Variants in C2orf69 observed in about 807,000 individuals in gnomAD.
C2orf69 encodes the protein chromosome 2 open reading frame 69, also known as mitochondrial protein C2orf69.
Under a neutral mutation model 29.5 loss-of-function variants are expected in C2orf69, and 19 were observed. That is an observed-to-expected ratio of 0.65 (90% CI 0.45 to 0.95). The LOEUF (loss-of-function observed/expected upper bound fraction) is 0.95. Among genes scored for constraint, C2orf69 ranks in the 40% least tolerant of loss-of-function variants. The pLI is 0.00. For missense variants in C2orf69, 416 were observed against 482.1 expected, an observed-to-expected ratio of 0.86 and a Z score of 1.28; for synonymous variants, 194 against 180.0, an observed-to-expected ratio of 1.08 and a Z score of -0.62.
In C2orf69 at chr2:199,911,413, C is replaced by T. The variant is rs1193220791; in HGVS notation, c.-26C>T. 2.7e-6 allele frequency: 4 copies of T among 1,495,130 alleles called. No individual in the cohort carries two copies. The highest frequency in any genetic ancestry group is 2.1e-4 in the Middle Eastern group (1 of 4,828). The allele number at this position is 1,495,130 out of a possible 1,614,324, so 92.6% of individuals were successfully genotyped here. A position where few individuals can be genotyped will look rare whatever the true frequency, so the allele number is the denominator to read the frequency against. ...GGAACCCCTCCGCCACCCTCCACCT[C>T]CGAACCGCTCTCGCGGCGGCGACCC... On this transcript the variant is annotated 5_prime_UTR_variant, in exon 1 of 2. Transcript: ENST00000319974.
Position 199,927,324 on chromosome 2 carries a change from A to AAC in C2orf69, c.*1439_*1440insCA, listed in dbSNP as rs1472338977. ...CTTTAGGACTAAAAAAAAAAAAAAA[A>AAC]AAAAGACACTGAAGCTTAATACCTT... On this transcript the variant is annotated 3_prime_UTR_variant, in exon 2 of 2. Coordinates refer to ENST00000319974, the MANE Select transcript of C2orf69 (RefSeq NM_153689.6). 3 of 151,230 alleles carry AAC rather than the reference A, an allele frequency of 2.0e-5. No homozygotes were observed. The highest frequency in any genetic ancestry group is 4.4e-5 in the Non-Finnish European group (3 of 67,740). 9.4% of individuals were successfully genotyped at this position (151,230 alleles called of 1,614,324 possible). A position where few individuals can be genotyped will look rare whatever the true frequency, so the allele number is the denominator to read the frequency against.
Position 199,925,851 on chromosome 2 carries a change from A to G in C2orf69, c.1123A>G (p.Ile375Val). 6.2e-7 allele frequency: 1 copy of G among 1,613,430 alleles called. No homozygotes were observed. Among genetic ancestry groups the G allele is most frequent in the Non-Finnish European group, 8.5e-7 (1 of 1,179,510 alleles). The change falls in exon 2 of 2, where the codon ATA becomes GTA. Residue 375 changes from isoleucine (I) to valine (V), a missense_variant. Coordinates refer to ENST00000319974, the MANE Select transcript of C2orf69 (RefSeq NM_153689.6). The surrounding 1 kb of genome is among the most constrained non-coding windows in gnomAD (Gnocchi z 4.9). ...TCATTTTACAAAGGAAGCTCCTTCC[A>G]TAGAGAATCACTTCAGGGTTCATGA... ...QIHFTKEAPS[I>V]ENHFRVHEVF
chr2:199,926,145 T>C lies in C2orf69; in HGVS notation c.*259T>C, dbSNP rs1339331457. The C allele has an allele frequency of 2.8e-6, 1 of 351,480 alleles. No homozygotes were observed. The highest frequency in any genetic ancestry group is 4.2e-5 in the East Asian group (1 of 23,580). The allele number at this position is 351,480 out of a possible 1,614,324, so 21.8% of individuals were successfully genotyped here. The stretch of plus-strand genomic sequence containing the variant: ...GGTTTGTAATAATGCTGAGGAGATA[T>C]AAGACCCTTAAAATGAAAGTTACAA... On this transcript the variant is annotated 3_prime_UTR_variant, in exon 2 of 2. Transcript: ENST00000319974.
Position 199,911,321 on chromosome 2 carries a change from C to T in C2orf69, c.-118C>T, listed in dbSNP as rs2077254966. 3.2e-6 allele frequency: 4 copies of T among 1,262,506 alleles called. No individual in the cohort carries two copies. The highest frequency in any genetic ancestry group is 3.1e-5 in the East Asian group (1 of 32,692). The allele number at this position is 1,262,506 out of a possible 1,614,324, so 78.2% of individuals were successfully genotyped here. On this transcript the variant is annotated 5_prime_UTR_variant, in exon 1 of 2. Transcript: ENST00000319974. ...TGACGTCGTCGCCTCAGCGCCGGCTCCCGGCCGGGCCGCGGCCGCCGACCG... is the reference window on the plus strand; with the variant it reads ...TGACGTCGTCGCCTCAGCGCCGGCTTCCGGCCGGGCCGCGGCCGCCGACCG...
At chr2:199,912,464 A>G (rs1301047339) in intron 1 of C2orf69, among the ~76,000 whole-genome samples, 1 of 152,208 alleles carries the variant, frequency 6.6e-6, no homozygotes, top group Non-Finnish European at 1.5e-5. Flanking sequence ...ATTAATTAAA[A>G]TTAAATAAAA....
At position 199,927,017 on chromosome 2, in the gene C2orf69, T is replaced by C. The variant is rs1324752477; in HGVS notation, c.*1131T>C. The C allele has an allele frequency of 3.3e-5, 5 of 152,604 alleles. No individual in the cohort carries two copies. The highest frequency in any genetic ancestry group is 3.3e-4 in the Admixed American group (5 of 15,266). The allele number at this position is 152,604 out of a possible 1,614,324, so 9.5% of individuals were successfully genotyped here. A position where few individuals can be genotyped will look rare whatever the true frequency, so the allele number is the denominator to read the frequency against. ...GCTCTCTTTGGCCAAAATGCAAAAT[T>C]ACATTGCTATAAGAAAAGTTACAAG... On this transcript the variant is annotated 3_prime_UTR_variant, in exon 2 of 2. Transcript: ENST00000319974.
intron 1 of C2orf69, among the ~76,000 whole-genome samples, chr2:199,914,423 C>T (rs1445050798): frequency 4.6e-5 from 7 of 152,122 alleles, no homozygotes; most frequent in Admixed American, 2.6e-4. Context: ...TTGAAGTCAT[C>T]CATTAGAACT....
At chr2:199,919,657 G>A (rs1329516250) in intron 1 of C2orf69, among the ~76,000 whole-genome samples, 1 of 152,224 alleles carries the variant, frequency 6.6e-6, no homozygotes, top group African/African-American at 2.4e-5. Flanking sequence ...CTAGGGAGTG[G>A]AGGAGGGGAA....
rs1032126923 is a variant in C2orf69, at chr2:199,911,521, C to T, written c.83C>T (p.Ser28Phe). Reference sequence around the variant, plus strand: ...GGAATCGGAAACGCCTCGTCCTGCTCTCAGGCCAGAACCATGAACCCGGGC... The same window carrying T: ...GGAATCGGAAACGCCTCGTCCTGCTTTCAGGCCAGAACCATGAACCCGGGC... ...QLGIGNASSCSQARTMNPGGS... is the reference protein window; with the variant it reads ...QLGIGNASSCFQARTMNPGGS... The change falls in exon 1 of 2, where the codon TCT (serine) becomes TTT (phenylalanine). Residue 28 changes from serine to phenylalanine, a missense_variant. By Grantham distance (155) the Ser-to-Phe change is radical. Coordinates refer to ENST00000319974, the MANE Select transcript of C2orf69 (RefSeq NM_153689.6). 16 of 1,549,614 alleles carry T rather than the reference C, an allele frequency of 1.0e-5. No homozygotes were observed. The highest frequency in any genetic ancestry group is 2.4e-5 in the East Asian group (1 of 40,886).
chr2:199,925,491 G>C lies in C2orf69; in HGVS notation c.763G>C (p.Asp255His), dbSNP rs1382258140. ...GAGTTTTTATCCACCATCACTAAAT[G>C]ACGCATCTTTTACTTTGATTGGATT... is the stretch of plus-strand genomic sequence containing the variant. ...AMSFYPPSLN[D>H]ASFTLIGFSK... is the part of the protein sequence containing the mutation. Residue 255 changes from aspartate (D) to histidine (H), a missense_variant, in exon 2 of 2, where the codon GAC becomes CAC. By Grantham distance (81) the Asp-to-His change is moderately conservative. Coordinates refer to ENST00000319974, the MANE Select transcript of C2orf69 (RefSeq NM_153689.6). The surrounding 1 kb of genome is among the most constrained non-coding windows in gnomAD (Gnocchi z 4.9). 1 of 1,613,852 alleles carries C rather than the reference G, an allele frequency of 6.2e-7. No homozygotes were observed. The highest frequency in any genetic ancestry group is 2.2e-5 in the East Asian group (1 of 44,876).
chr2:199,925,680 A>G lies in C2orf69; in HGVS notation c.952A>G (p.Lys318Glu), dbSNP rs753488592. The G allele has an allele frequency of 6.2e-7, 1 of 1,613,950 alleles. No homozygotes were observed. The highest frequency in any genetic ancestry group is 1.1e-5 in the South Asian group (1 of 91,086). The change falls in exon 2 of 2, where the codon AAA (lysine) becomes GAA (glutamate). Residue 318 changes from lysine (K) to glutamate (E), a missense_variant. Around this residue, in one of 4 missense-constraint regions of C2orf69, gnomAD observed 225 missense variants for 307.3 expected, o/e 0.73. Transcript: ENST00000319974. This position sits in a 1 kb window ranked among gnomAD's most constrained non-coding sequence, Gnocchi z 4.9. ...TTGGGTTACTTATCCAGAAGTCTTGAAAGAATTTGCACAAACAGGAATTAT... is the reference window on the plus strand; with the variant it reads ...TTGGGTTACTTATCCAGAAGTCTTGGAAGAATTTGCACAAACAGGAATTAT... ...NTWVTYPEVL[K>E]EFAQTGIIVH...
chr2:199,913,343 T>C (rs1317979336), intron 1 of C2orf69, among the ~76,000 whole-genome samples: 1 of 85,676 alleles, frequency 1.2e-5, no homozygotes, highest in African/African-American at 4.9e-5. Context: ...TCTATTATAA[T>C]ATATATTATA....
chr2:199,916,455 C>T (rs2077293211), intron 1 of C2orf69, among the ~76,000 whole-genome samples: 1 of 152,192 alleles, frequency 6.6e-6, no homozygotes, highest in African/African-American at 2.4e-5. Context: ...AACAGTTCCC[C>T]AAAGTCTTAA....
intron 1 of C2orf69, among the ~76,000 whole-genome samples, chr2:199,915,113 G>T (rs1343044121): frequency 6.6e-6 from 1 of 152,126 alleles, no homozygotes; most frequent in Non-Finnish European, 1.5e-5. Flanking sequence ...CTTGAAATGT[G>T]TTGGCTATTA....
intron 1 of C2orf69, among the ~76,000 whole-genome samples, chr2:199,912,397 T>C (rs1014738361): frequency 4.6e-5 from 7 of 152,350 alleles, no homozygotes; most frequent in Middle Eastern, 3.4e-3. Context: ...AAACTGGGTC[T>C]TAATCTAACG....
In C2orf69 at chr2:199,920,820, G is replaced by A. The variant is rs572870463; in HGVS notation, c.334-4242G>A. On this transcript the variant is annotated intron_variant, in intron 1 of 1. Coordinates refer to ENST00000319974, the MANE Select transcript of C2orf69 (RefSeq NM_153689.6). ...AAATACAAAAAATTAGCCGGGCATGGTGGCGCGCGCCTGTAGTCCCAGCTA... is the reference window on the plus strand; with the variant it reads ...AAATACAAAAAATTAGCCGGGCATGATGGCGCGCGCCTGTAGTCCCAGCTA... Among the ~76,000 whole-genome samples, 16 of 150,896 alleles carry A rather than the reference G, an allele frequency of 1.1e-4. No homozygotes were observed. The South Asian group carries it at 3.4e-3, about 32-fold the overall frequency.
At chr2:199,924,400 C>T (rs1023842093) in intron 1 of C2orf69, among the ~76,000 whole-genome samples, 2 of 152,152 alleles carry the variant, frequency 1.3e-5, no homozygotes, top group Non-Finnish European at 2.9e-5. Context: ...GAGATCCTGT[C>T]TCACACAGAA....
At chr2:199,915,945 T>C (rs2077291160) in intron 1 of C2orf69, among the ~76,000 whole-genome samples, 1 of 152,242 alleles carries the variant, frequency 6.6e-6, no homozygotes, top group Admixed American at 6.5e-5. Flanking sequence ...TCATGTTTTG[T>C]TGTATGTCCT....
chr2:199,922,997 G>A (rs2077322994), intron 1 of C2orf69, among the ~76,000 whole-genome samples: 1 of 152,060 alleles, frequency 6.6e-6, no homozygotes, highest in Admixed American at 6.6e-5. Flanking sequence ...ATTTGCTACT[G>A]TTGACTCCTC....
Sources: gnomAD v4.1 joint callset for allele counts (sites outside exome capture counted in the v4.1 genomes callset) on GRCh38, gnomAD v4.1.1 for gene constraint, gnomAD v4.1.1 regional missense constraint, Gnocchi (gnomAD v3.1) non-coding constraint, MANE v1.5 for transcripts, NCBI Gene and HGNC (gene_info 2026-07-23, HGNC 2026-07-21) for gene names.